WDPCP: variants seen among roughly 807,000 people sequenced by gnomAD.
WDPCP encodes the protein WD repeat-containing and planar cell polarity effector protein fritz homolog.
In WDPCP, 71 loss-of-function variants were observed where a neutral mutation model predicts 93.1. The observed-to-expected ratio is 0.76, with a 90% confidence interval of 0.63 to 0.93. The LOEUF (loss-of-function observed/expected upper bound fraction) is 0.93, where lower values mean the gene tolerates loss of function less well. WDPCP is among the 40% of genes least tolerant of loss of function. WDPCP has a pLI of 0.00. For synonymous variants in WDPCP, 315 were observed against 315.0 expected, an observed-to-expected ratio of 1.00 and a Z score of 0.00; for missense variants, 844 against 887.4, an observed-to-expected ratio of 0.95 and a Z score of 0.62.
At chr2:63,539,297 G>A (rs1025000083) in intron 1 of WDPCP, among the ~76,000 whole-genome samples, 4 of 152,090 alleles carry the variant, frequency 2.6e-5, no homozygotes, top group Admixed American at 2.6e-4. Context: ...AGTAAAAATT[G>A]TACAGATATT....
At chr2:63,753,684 A>G (rs1050384975) in intron 2 of WDPCP, among the ~76,000 whole-genome samples, 6 of 152,176 alleles carry the variant, frequency 3.9e-5, no homozygotes, top group Admixed American at 6.5e-5. Context: ...CACTCTAGCT[A>G]TGATAACACC....
At chr2:63,376,725 T>G (rs1178990454) in intron 12 of WDPCP, among the ~76,000 whole-genome samples, 1 of 151,942 alleles carries the variant, frequency 6.6e-6, no homozygotes, top group Non-Finnish European at 1.5e-5. Context: ...CATGTGTTCA[T>G]TCATAGAAGA....
At chr2:63,638,293 GCATTCTCTCTCTCT>G (rs916434093) in intron 3 of WDPCP, among the ~76,000 whole-genome samples, 4 of 151,532 alleles carry the variant, frequency 2.6e-5, no homozygotes, top group East Asian at 1.9e-4. Flanking sequence ...TACATCTTAA[GCATTCTCTCTCTCT>G]CATTCTCTCT....
intron 2 of WDPCP, among the ~76,000 whole-genome samples, chr2:63,759,472 A>G (rs78366655): frequency 0.017 from 2,580 of 152,320 alleles, 23 homozygotes; most frequent in African/African-American, 0.018. Flanking sequence ...GGTACAAAAC[A>G]AAAATGTGAG....
intron 3 of WDPCP, chr2:63,622,086 GAA>G: frequency 1.3e-5 from 9 of 676,562 alleles, no homozygotes; most frequent in South Asian, 1.0e-4. Flanking sequence ...TTTTTTTTTG[GAA>G]GTTGATTTTT....
chr2:63,752,635 C>T (rs566282588), intron 2 of WDPCP: 56 of 463,032 alleles, frequency 1.2e-4, no homozygotes, highest in East Asian at 4.2e-4. Context: ...ATGACGGTGG[C>T]GGTGGGAAGA....
intron 6 of WDPCP, among the ~76,000 whole-genome samples, chr2:63,460,813 A>C (rs1698956013): frequency 6.6e-6 from 1 of 152,038 alleles, no homozygotes; most frequent in Non-Finnish European, 1.5e-5. Context: ...TTTTTAGTAG[A>C]GGCGGGGTTT....
At chr2:63,329,406 T>C (rs1575155739) in intron 12 of WDPCP, among the ~76,000 whole-genome samples, 1 of 152,180 alleles carries the variant, frequency 6.6e-6, no homozygotes, top group South Asian at 2.1e-4. Flanking sequence ...CCGCACTTTT[T>C]TTTTGCAAGT....
chr2:63,337,452 G>A (rs577126646), intron 12 of WDPCP, among the ~76,000 whole-genome samples: 8 of 152,160 alleles, frequency 5.3e-5, no homozygotes, highest in South Asian at 4.2e-4. Context: ...AAACATGGGC[G>A]GGCAAAAATC....
At chr2:63,199,279 C>A (rs566957836) in intron 14 of WDPCP, among the ~76,000 whole-genome samples, 1 of 126,552 alleles carries the variant, frequency 7.9e-6, no homozygotes, top group South Asian at 2.3e-4. Flanking sequence ...TGGGAGGCTG[C>A]AGAAATTTGC....
At chr2:63,363,520 C>A (rs1210868907) in intron 12 of WDPCP, among the ~76,000 whole-genome samples, 2 of 152,012 alleles carry the variant, frequency 1.3e-5, no homozygotes, top group Admixed American at 6.6e-5. Context: ...ACTGATTGAG[C>A]CTGAGAGGTT....
intron 13 of WDPCP, among the ~76,000 whole-genome samples, chr2:63,260,005 G>C (rs10427319): frequency 0.019 from 2,837 of 152,254 alleles, 86 homozygotes; most frequent in African/African-American, 0.065. Flanking sequence ...AGATTTTATA[G>C]CACATATGTG....
At chr2:63,576,161 A>G (rs1421172180) in intron 1 of WDPCP, among the ~76,000 whole-genome samples, 1 of 152,162 alleles carries the variant, frequency 6.6e-6, no homozygotes, top group Non-Finnish European at 1.5e-5. Flanking sequence ...CTATAATTTA[A>G]GTCAATTCTG....
chr2:63,529,648 T>C (rs958468445), intron 1 of WDPCP, among the ~76,000 whole-genome samples: 5 of 152,202 alleles, frequency 3.3e-5, no homozygotes, highest in Admixed American at 1.3e-4. Flanking sequence ...TTGATTGATG[T>C]TCATCAGGGA....
chr2:63,149,745 A>G (rs990753653), intron 17 of WDPCP, among the ~76,000 whole-genome samples: 3 of 152,244 alleles, frequency 2.0e-5, no homozygotes, highest in African/African-American at 7.2e-5. Context: ...AGAATGCACT[A>G]TGTTTCCACT....
intron 13 of WDPCP, among the ~76,000 whole-genome samples, chr2:63,300,174 G>A (rs1445920100): frequency 1.3e-5 from 2 of 152,140 alleles, no homozygotes; most frequent in East Asian, 1.9e-4. Flanking sequence ...GGAGGAAGCT[G>A]TTGCTCTTTC....
At chr2:63,194,337 C>T (rs1337716747) in intron 14 of WDPCP, among the ~76,000 whole-genome samples, 1 of 151,872 alleles carries the variant, frequency 6.6e-6, no homozygotes, top group African/African-American at 2.4e-5. Context: ...TTACCTTGAC[C>T]CAAAAGGGTG....
intron 2 of WDPCP, among the ~76,000 whole-genome samples, chr2:63,734,793 T>C (rs1012155431): frequency 6.6e-6 from 1 of 152,226 alleles, no homozygotes; most frequent in Non-Finnish European, 1.5e-5. Context: ...TTTTTTTTCT[T>C]AGTTTTCCTC....
At chr2:63,837,464 C>G in the WDPCP span, among the ~76,000 whole-genome samples, 33 of 152,292 alleles carry the variant, frequency 2.2e-4, no homozygotes, top group African/African-American at 7.9e-4. Context: ...TGCCTGGTCT[C>G]TTGGCTAAAC....
Sources: gnomAD v4.1 joint callset for allele counts (sites outside exome capture counted in the v4.1 genomes callset) on GRCh38, gnomAD v4.1.1 for gene constraint, MANE v1.5 for transcripts, NCBI Gene and HGNC (gene_info 2026-07-23, HGNC 2026-07-21) for gene names.